Variants in DDR1 observed in about 807,000 individuals in gnomAD.
The protein encoded by DDR1 is epithelial discoidin domain-containing receptor 1.
A neutral mutation model predicts 97.4 loss-of-function variants in DDR1; 64 were observed. The ratio of observed to expected loss-of-function variants is 0.66; its 90% CI spans 0.54 to 0.81. The LOEUF (loss-of-function observed/expected upper bound fraction) is 0.81. DDR1 is among the 30% of genes least tolerant of loss of function. DDR1 has a pLI of 0.00. For missense variants in DDR1, 990 were observed against 1,259.6 expected (o/e 0.79, Z 3.24); for synonymous variants, 458 against 503.7 (o/e 0.91, Z 1.21).
upstream of DDR1, chr6:30,884,230 G>C (rs372879576): frequency 6.6e-6 from 1 of 151,638 alleles, no homozygotes; most frequent in Non-Finnish European, 1.5e-5. This position sits in a 1 kb window ranked among gnomAD's most constrained non-coding sequence, Gnocchi z 6.1. Flanking sequence ...GGCGCGGGCG[G>C]CTGGGCGGCC....
In DDR1 at chr6:30,890,152, C is replaced by T. The variant is rs923113897; in HGVS notation, c.417+722C>T. Among the ~76,000 whole-genome samples, 1 of 152,182 alleles carries T rather than the reference C, an allele frequency of 6.6e-6. No individual in the cohort carries two copies. The highest frequency in any genetic ancestry group is 2.4e-5 in the African/African-American group (1 of 41,444). On this transcript the variant is annotated intron_variant, in intron 4 of 17. Coordinates refer to ENST00000376568, the MANE Select transcript of DDR1 (RefSeq NM_001297654.2). The surrounding 1 kb of genome is among the most constrained non-coding windows in gnomAD (Gnocchi z 5.0). ...GACCTTAGAGCATGTAAATCAGATACGTCACACCTAGCTGACACCCCCATG... is the reference window on the plus strand; with the variant it reads ...GACCTTAGAGCATGTAAATCAGATATGTCACACCTAGCTGACACCCCCATG...
Position 30,895,408 on chromosome 6 carries a change from G to C in DDR1, c.1518G>C (p.Leu506Phe). 6.2e-7 allele frequency: 1 copy of C among 1,609,014 alleles called. No individual in the cohort carries two copies. Among genetic ancestry groups the C allele is most frequent in the Non-Finnish European group, 8.5e-7 (1 of 1,178,042 alleles). ...CCCTCCTCCTTCTCCCGACAGCGTT[G>C]CTGCTCTCCAATCCAGCCTACCGCC... ...SAPCVPNGSA[L>F]LLSNPAYRLL... Residue 506 changes from leucine to phenylalanine, a missense_variant, in exon 12 of 18, where the codon TTG becomes TTC. Coordinates refer to ENST00000376568, the MANE Select transcript of DDR1 (RefSeq NM_001297654.2).
In DDR1 at chr6:30,897,266, C is replaced by A; in HGVS notation, c.1998-113C>A. 8.7e-7 allele frequency: 1 copy of A among 1,144,954 alleles called. No individual in the cohort carries two copies. Among genetic ancestry groups the A allele is most frequent in the Non-Finnish European group, 1.1e-6 (1 of 886,142 alleles). 70.9% of individuals were successfully genotyped at this position (1,144,954 alleles called of 1,614,324 possible). On this transcript the variant is annotated intron_variant, in intron 14 of 17. Coordinates refer to ENST00000376568, the MANE Select transcript of DDR1 (RefSeq NM_001297654.2). The surrounding 1 kb of genome is among the most constrained non-coding windows in gnomAD (Gnocchi z 5.2). ...ATCTCTGGGAGGGGATTTACATGTA[C>A]GCTGGGGGTGGGGACGCCTGGTCTG...
chr6:30,896,377 T>G (rs144129629), intron 12 of DDR1, among the ~76,000 whole-genome samples: 2 of 152,120 alleles, frequency 1.3e-5, no homozygotes, highest in African/African-American at 2.4e-5. Context: ...AGTAAGACTT[T>G]ATGACAGTTT....
rs375924272 is a variant in DDR1, at chr6:30,894,554, C to T, written c.1396C>T (p.Pro466Ser). The T allele has an allele frequency of 3.3e-5, 53 of 1,613,304 alleles. No homozygotes were observed. The highest frequency in any genetic ancestry group is 4.3e-5 in the Non-Finnish European group (51 of 1,179,628). Residue 466 changes from proline (P) to serine (S), a missense_variant, in exon 11 of 18, where the codon CCT (proline) becomes TCT (serine). Transcript: ENST00000376568. The surrounding 1 kb of genome is among the most constrained non-coding windows in gnomAD (Gnocchi z 5.7). The part of the protein sequence containing the change: ...EEELTVHLSV[P>S]GDTILINNRP... ...GGAGCTGACGGTTCACCTCTCTGTC[C>T]CTGGGGACACTATCCTCATCAACAA... is the stretch of plus-strand genomic sequence containing the variant.
Position 30,896,942 on chromosome 6 carries a change from A to C in DDR1, c.1870-72A>C, listed in dbSNP as rs991329618. On this transcript the variant is annotated intron_variant, in intron 13 of 17. Coordinates refer to ENST00000376568, the MANE Select transcript of DDR1 (RefSeq NM_001297654.2). Reference sequence around the variant, plus strand: ...TGCCTGCGCATCCCCCTAGCCAGGAACCTTAGTCATTTGTAACCGTGTTAA... The same window carrying C: ...TGCCTGCGCATCCCCCTAGCCAGGACCCTTAGTCATTTGTAACCGTGTTAA... 2.5e-5 allele frequency: 40 copies of C among 1,572,960 alleles called. No homozygotes were observed. The South Asian group carries it at 4.0e-4, about 16-fold the overall frequency.
At chr6:30,885,231 G>C in intron 1 of DDR1, 1 of 1,533,074 alleles carries the variant, frequency 6.5e-7, no homozygotes, top group Non-Finnish European at 8.7e-7. Flanking sequence ...TGTCACTGCC[G>C]GTGAGCGCCA....
chr6:30,892,298 C>T lies in DDR1; in HGVS notation c.855C>T (p.Val285=), dbSNP rs2150352509. 6.3e-7 allele frequency: 1 copy of T among 1,575,660 alleles called. No individual in the cohort carries two copies. Among genetic ancestry groups the T allele is most frequent in the Non-Finnish European group, 8.6e-7 (1 of 1,158,708 alleles). The change falls in exon 8 of 18, where the codon GTC becomes GTT. Residue 285 remains valine (V), a splice_region_variant and synonymous_variant. Coordinates refer to ENST00000376568, the MANE Select transcript of DDR1 (RefSeq NM_001297654.2). ...GTGCCCTCTTCCCTTCCCCCCAGGTCCACTGTAACAACATGCACACGCTGG... is the reference window on the plus strand; with the variant it reads ...GTGCCCTCTTCCCTTCCCCCCAGGTTCACTGTAACAACATGCACACGCTGG... ...DRLRAFQAMQ[V]HCNNMHTLGA... is the part of the protein sequence containing the mutation.
chr6:30,894,709 T>C lies in DDR1; in HGVS notation c.1513+38T>C, dbSNP rs1336785204. ...TTGTTCCAGTCGCACCTCTGTCCTC[T>C]CTGCTGTTTTCTTATTGTATCCCTT... On this transcript the variant is annotated intron_variant, in intron 11 of 17. Coordinates refer to ENST00000376568, the MANE Select transcript of DDR1 (RefSeq NM_001297654.2). The surrounding 1 kb of genome is among the most constrained non-coding windows in gnomAD (Gnocchi z 5.7). 5 of 1,508,568 alleles carry C rather than the reference T, an allele frequency of 3.3e-6. No homozygotes were observed. The highest frequency in any genetic ancestry group is 4.4e-6 in the Non-Finnish European group (5 of 1,125,572). 93.4% of individuals were successfully genotyped at this position (1,508,568 alleles called of 1,614,324 possible).
chr6:30,885,261 C>G (rs566765956), intron 1 of DDR1: 217 of 1,531,822 alleles, frequency 1.4e-4, no homozygotes, highest in Middle Eastern at 3.3e-4. Flanking sequence ...TCCCACCCCC[C>G]CATGCCTGGC....
rs2150354402 is a variant in DDR1, at chr6:30,892,346, G to T, written c.903G>T (p.Val301=). 6.3e-7 allele frequency: 1 copy of T among 1,579,212 alleles called. No individual in the cohort carries two copies. Among genetic ancestry groups the T allele is most frequent in the Non-Finnish European group, 8.6e-7 (1 of 1,162,784 alleles). ...TGGGAGCCCGTCTGCCTGGCGGGGT[G>T]GAATGTCGCTTCCGGCGTGGCCCTG... ...HTLGARLPGG[V]ECRFRRGPAM... Residue 301 remains valine, a synonymous_variant, in exon 8 of 18, where the codon GTG becomes GTT. Transcript: ENST00000376568.
rs979373628 is a variant in DDR1, at chr6:30,890,059, C to T, written c.417+629C>T. ...TTAGATGAGTGCAGTAGATGCCAAACGCGTCTCCCTGCTTCTGCCCTTTTC... is the reference window on the plus strand; with the variant it reads ...TTAGATGAGTGCAGTAGATGCCAAATGCGTCTCCCTGCTTCTGCCCTTTTC... On this transcript the variant is annotated intron_variant, in intron 4 of 17. Coordinates refer to ENST00000376568, the MANE Select transcript of DDR1 (RefSeq NM_001297654.2). This position sits in a 1 kb window ranked among gnomAD's most constrained non-coding sequence, Gnocchi z 5.0. 3.3e-5 allele frequency among the ~76,000 whole-genome samples: 5 copies of T among 152,198 alleles called. No individual in the cohort carries two copies. The highest frequency in any genetic ancestry group is 6.5e-5 in the Admixed American group (1 of 15,276).
Position 30,897,962 on chromosome 6 carries a change from C to T in DDR1, c.2217-111C>T. On this transcript the variant is annotated intron_variant, in intron 15 of 17. Transcript: ENST00000376568. This position sits in a 1 kb window ranked among gnomAD's most constrained non-coding sequence, Gnocchi z 5.2. ...CCTTGGCCTCACGTGGGCATTCCACCTCCACATGGGGAGCCAGAGTGACCG... is the reference window on the plus strand; with the variant it reads ...CCTTGGCCTCACGTGGGCATTCCACTTCCACATGGGGAGCCAGAGTGACCG... The T allele has an allele frequency of 2.5e-6, 2 of 804,834 alleles. No individual in the cohort carries two copies. The allele number at this position is 804,834 out of a possible 1,614,324, so 49.9% of individuals were successfully genotyped here.
At position 30,894,489 on chromosome 6, in the gene DDR1, C is replaced by A. The variant is rs1789928432; in HGVS notation, c.1348-17C>A. ...GTGCTGAGCAACACGGGTGATGCCT[C>A]CCATCCCTATGACAAGGCTGAACGG... On this transcript the variant is annotated splice_polypyrimidine_tract_variant and intron_variant, in intron 10 of 17. Transcript: ENST00000376568. The surrounding 1 kb of genome is among the most constrained non-coding windows in gnomAD (Gnocchi z 5.7). 1 of 1,596,304 alleles carries A rather than the reference C, an allele frequency of 6.3e-7. No homozygotes were observed.
At chr6:30,896,508 C>T (rs1223724284) in intron 12 of DDR1, 113 bp from the exon 13 acceptor site, 8 of 1,332,198 alleles carry the variant, frequency 6.0e-6, no homozygotes, top group Non-Finnish European at 2.1e-6. Flanking sequence ...TAGACCCAGT[C>T]TCTCACTCAA....
chr6:30,882,943 T>C (rs559459049), upstream of DDR1: 71 of 151,426 alleles, frequency 4.7e-4, no homozygotes, highest in African/African-American at 1.6e-3. This position sits in a 1 kb window ranked among gnomAD's most constrained non-coding sequence, Gnocchi z 4.8. Context: ...CAGTCCAGCG[T>C]CTCCTGGGCC....
chr6:30,891,362 CCT>C lies in DDR1; in HGVS notation c.566-14_566-13del. On this transcript the variant is annotated splice_polypyrimidine_tract_variant and intron_variant, in intron 5 of 17. Transcript: ENST00000376568. The surrounding 1 kb of genome is among the most constrained non-coding windows in gnomAD (Gnocchi z 5.3). Reference sequence around the variant, plus strand: ...GAGCCTTAGTGCCTCTGACCCCCATCCTCTCACCCTGCCCCAGATGGACTCCT... The same window carrying C: ...GAGCCTTAGTGCCTCTGACCCCCATCCTCACCCTGCCCCAGATGGACTCCT... 6.2e-7 allele frequency: 1 copy of C among 1,600,820 alleles called. No homozygotes were observed. Among genetic ancestry groups the C allele is most frequent in the Non-Finnish European group, 8.5e-7 (1 of 1,169,758 alleles).
At position 30,888,001 on chromosome 6, in the gene DDR1, C is replaced by A. The variant is rs892029311; in HGVS notation, c.-42-687C>A. The stretch of plus-strand genomic sequence containing the variant: ...ATAATAGACATTGCTAGATTGCTTT[C>A]CAAATAGAAGATAACACTCATTTCT... On this transcript the variant is annotated intron_variant, in intron 1 of 17. Coordinates refer to ENST00000376568, the MANE Select transcript of DDR1 (RefSeq NM_001297654.2). The surrounding 1 kb of genome is among the most constrained non-coding windows in gnomAD (Gnocchi z 4.2). Among the ~76,000 whole-genome samples, 5 of 152,198 alleles carry A rather than the reference C, an allele frequency of 3.3e-5. No homozygotes were observed. Among genetic ancestry groups the A allele is most frequent in the African/African-American group, 1.2e-4 (5 of 41,440 alleles).
intron 15 of DDR1, 66 bp from the exon 16 acceptor site, chr6:30,898,007 C>G: frequency 3.1e-6 from 4 of 1,309,352 alleles, no homozygotes; most frequent in Non-Finnish European, 4.4e-6. Flanking sequence ...AGTGGGCTCT[C>G]TCTCCTCTCC....
Sources: gnomAD v4.1 joint callset for allele counts (sites outside exome capture counted in the v4.1 genomes callset) on GRCh38, gnomAD v4.1.1 for gene constraint, Gnocchi (gnomAD v3.1) non-coding constraint, MANE v1.5 for transcripts, NCBI Gene and HGNC (gene_info 2026-07-23, HGNC 2026-07-21) for gene names.